SLC14A2: variants seen among roughly 807,000 people sequenced by gnomAD.
SLC14A2 encodes urea transporter 2.
SLC14A2 carries 91 observed loss-of-function variants against 104.6 expected under a neutral mutation model. The ratio of observed to expected loss-of-function variants is 0.87; its 90% CI spans 0.73 to 1.04. SLC14A2 has a LOEUF of 1.04. Among genes scored for constraint, SLC14A2 ranks in the 50% least tolerant of loss-of-function variants. SLC14A2 has a pLI of 0.00. For synonymous variants in SLC14A2, 476 were observed against 466.4 expected (o/e 1.02, Z -0.27); for missense variants, 1,189 against 1,156.0 (o/e 1.03, Z -0.41).
At chr18:45,675,709 A>ATATATATATTTT (rs57989993) in intron 18 of SLC14A2, among the ~76,000 whole-genome samples, 17 of 78,386 alleles carry the variant, frequency 2.2e-4, no homozygotes, top group African/African-American at 7.8e-4. Context: ...ATATATATAT[A>ATATATATATTTT]TTTTTTTTTT....
At chr18:45,654,293 AG>A (rs1445763371) in intron 10 of SLC14A2, among the ~76,000 whole-genome samples, 1 of 152,164 alleles carries the variant, frequency 6.6e-6, no homozygotes, top group Non-Finnish European at 1.5e-5. Context: ...GATGAGCTGG[AG>A]GGCTCAGGGA....
At chr18:45,327,633 A>G (rs919665794) in intron 1 of SLC14A2, among the ~76,000 whole-genome samples, 1 of 151,888 alleles carries the variant, frequency 6.6e-6, no homozygotes, top group Non-Finnish European at 1.5e-5. Context: ...AATCATATAC[A>G]TATTTGTCCT....
At chr18:45,309,522 G>A (rs936954338) in intron 1 of SLC14A2, among the ~76,000 whole-genome samples, 3 of 151,690 alleles carry the variant, frequency 2.0e-5, no homozygotes, top group Non-Finnish European at 2.9e-5. Context: ...TGACTCAAAG[G>A]TGGATGAAAC....
chr18:45,677,912 G>A (rs775890814), intron 18 of SLC14A2, among the ~76,000 whole-genome samples: 10 of 152,112 alleles, frequency 6.6e-5, no homozygotes, highest in Non-Finnish European at 1.5e-4. Flanking sequence ...TCAAACTTCC[G>A]GGCTCAAGCC....
chr18:45,644,133 A>G lies in SLC14A2; in HGVS notation c.1324A>G (p.Ser442Gly). 1 of 1,614,206 alleles carries G rather than the reference A, an allele frequency of 6.2e-7. No homozygotes were observed. Among genetic ancestry groups the G allele is most frequent in the Non-Finnish European group, 8.5e-7 (1 of 1,180,038 alleles). Reference protein sequence around the residue: ...ANRIYYLTVKSGEEEKAPSGG... With the variant: ...ANRIYYLTVKGGEEEKAPSGG... ...CCGCATCTACTACCTGACAGTGAAA[A>G]GCGGTGAAGAAGAGAAGGCCCCCAG... Residue 442 changes from serine to glycine, a missense_variant, in exon 10 of 20, where the codon AGC (serine) becomes GGC (glycine). Ser to Gly is a moderately conservative substitution (Grantham distance 56). Coordinates refer to ENST00000255226, the MANE Select transcript of SLC14A2 (RefSeq NM_007163.4).
chr18:45,258,855 G>C (rs2084506692), intron 1 of SLC14A2, among the ~76,000 whole-genome samples: 1 of 152,166 alleles, frequency 6.6e-6, no homozygotes, highest in South Asian at 2.1e-4. Context: ...TCCTAGAGGA[G>C]AATTTGAAGG....
intron 2 of SLC14A2, among the ~76,000 whole-genome samples, chr18:45,564,013 C>A (rs1469999523): frequency 1.3e-5 from 2 of 152,178 alleles, no homozygotes; most frequent in Non-Finnish European, 2.9e-5. Flanking sequence ...GTCATCGATG[C>A]CCTCATTGTA....
At chr18:45,439,234 G>A (rs1372684508) in intron 1 of SLC14A2, among the ~76,000 whole-genome samples, 1 of 152,060 alleles carries the variant, frequency 6.6e-6, no homozygotes, top group Non-Finnish European at 1.5e-5. Context: ...AACTATGGAG[G>A]CACCACTGTA....
chr18:45,493,507 G>A (rs2043037731), intron 2 of SLC14A2, among the ~76,000 whole-genome samples: 1 of 152,196 alleles, frequency 6.6e-6, no homozygotes, highest in Admixed American at 6.5e-5. Context: ...AACCCACTGT[G>A]TGAAATACTG....
chr18:45,667,409 A>G (rs1335337215), intron 13 of SLC14A2, among the ~76,000 whole-genome samples: 4 of 152,344 alleles, frequency 2.6e-5, no homozygotes, highest in African/African-American at 7.2e-5. Context: ...TAGAGCCAGC[A>G]TTCTAGAAAA....
intron 1 of SLC14A2, among the ~76,000 whole-genome samples, chr18:45,397,811 A>G (rs1215923351): frequency 6.6e-6 from 1 of 152,180 alleles, no homozygotes; most frequent in Non-Finnish European, 1.5e-5. Context: ...TTTCCACATT[A>G]GAGATAACAA....
At chr18:45,633,296 A>G (rs1160111751) in intron 5 of SLC14A2, among the ~76,000 whole-genome samples, 1 of 152,240 alleles carries the variant, frequency 6.6e-6, no homozygotes, top group Non-Finnish European at 1.5e-5. Context: ...TGACGTAACC[A>G]AGACCTAAAA....
At chr18:45,335,989 C>T (rs1400215484) in intron 1 of SLC14A2, among the ~76,000 whole-genome samples, 2 of 152,120 alleles carry the variant, frequency 1.3e-5, no homozygotes, top group Admixed American at 1.3e-4. Flanking sequence ...GTGTTTTGGC[C>T]TCCTTCTCGC....
At chr18:45,472,381 G>A (rs550489978) in intron 1 of SLC14A2, among the ~76,000 whole-genome samples, 5 of 152,030 alleles carry the variant, frequency 3.3e-5, no homozygotes, top group African/African-American at 4.8e-5. Context: ...TAATCCTTTC[G>A]GTATATACCC....
chr18:45,678,439 C>T (rs1035908182), intron 18 of SLC14A2, among the ~76,000 whole-genome samples: 10 of 152,198 alleles, frequency 6.6e-5, no homozygotes, highest in Admixed American at 5.9e-4. Flanking sequence ...TACACTAGTA[C>T]ATTTTAATAG....
In SLC14A2 at chr18:45,615,817, A is replaced by ATGTG. The variant is rs34832879; in HGVS notation, c.-35+252_-35+255dup. On this transcript the variant is annotated intron_variant, in intron 1 of 19. Coordinates refer to ENST00000255226, the MANE Select transcript of SLC14A2 (RefSeq NM_007163.4). Reference sequence around the variant, plus strand: ...TGCATGTGTGTATGTGTAGGGGTGTATGTGTGTGTGTGTGTGTGTGAGAGA... The same window carrying ATGTG: ...TGCATGTGTGTATGTGTAGGGGTGTATGTGTGTGTGTGTGTGTGTGTGTGAGAGA... Among the ~76,000 whole-genome samples the ATGTG allele has an allele frequency of 5.4e-3, 794 of 147,476 alleles. 5 individuals are homozygous for ATGTG. The highest frequency in any genetic ancestry group is 0.014 in the Admixed American group (211 of 14,814).
At chr18:45,675,133 T>A (rs2046205241) in intron 18 of SLC14A2, among the ~76,000 whole-genome samples, 1 of 152,098 alleles carries the variant, frequency 6.6e-6, no homozygotes, top group South Asian at 2.1e-4. Flanking sequence ...TCACATCATC[T>A]CCCAAAAGTG....
At chr18:45,367,771 G>T (rs2085681198) in intron 1 of SLC14A2, among the ~76,000 whole-genome samples, 1 of 149,608 alleles carries the variant, frequency 6.7e-6, no homozygotes, top group Admixed American at 6.7e-5. Flanking sequence ...TTGTTGAGCT[G>T]GTGTGTAAGT....
In SLC14A2 at chr18:45,504,546, G is replaced by A. The variant is rs548599764; in HGVS notation, c.-35+21224G>A. Among the ~76,000 whole-genome samples, 14 of 152,278 alleles carry A rather than the reference G, an allele frequency of 9.2e-5. 1 individual carries two copies. In the South Asian group the frequency reaches 2.9e-3, roughly 32 times the overall value. On this transcript the variant is annotated intron_variant, in intron 2 of 20. Transcript: ENST00000586448. ...TTAATATCCTGTTTAAGCTTCTGTT[G>A]TCAAAACTAATCATTTGTTTGCCTT... is the stretch of plus-strand genomic sequence containing the variant.
Sources: allele counts gnomAD v4.1 joint callset (sites outside exome capture counted in the v4.1 genomes callset), GRCh38; gene constraint gnomAD v4.1.1; transcripts MANE v1.5; gene names NCBI Gene and HGNC (gene_info 2026-07-23, HGNC 2026-07-21).